The following UCHL1 variants were observed in gnomAD, a reference collection of about 807,000 sequenced individuals.
UCHL1 encodes ubiquitin C-terminal hydrolase L1.
A neutral mutation model predicts 33.3 loss-of-function variants in UCHL1; 5 were observed. The ratio of observed to expected loss-of-function variants is 0.15; its 90% CI spans 0.08 to 0.32. The LOEUF (loss-of-function observed/expected upper bound fraction) is 0.32, where lower values mean the gene tolerates loss of function less well. UCHL1 is among the 10% of genes least tolerant of loss of function. The pLI is 1.00. For synonymous variants in UCHL1, 132 were observed against 108.8 expected (o/e 1.21, Z -1.33); for missense variants, 236 against 280.0 (o/e 0.84, Z 1.12).
chr4:41,262,898 G>A (rs752254417), intron 6 of UCHL1, among the ~76,000 whole-genome samples: 8 of 152,072 alleles, frequency 5.3e-5, no homozygotes, highest in South Asian at 2.1e-4. Context: ...GTGAGCCACC[G>A]TGCCTAGCCA....
chr4:41,264,210 C>T (rs779683416), intron 8 of UCHL1, 49 bp downstream of exon 8: 1 of 1,609,254 alleles, frequency 6.2e-7, no homozygotes, highest in Non-Finnish European at 8.5e-7. Flanking sequence ...AATTCTTTGG[C>T]TAAATTTTCT....
At chr4:41,259,606 C>CTAGAATTGGAATTGGTT (rs1781038654) in intron 3 of UCHL1, among the ~76,000 whole-genome samples, 2 of 152,154 alleles carry the variant, frequency 1.3e-5, no homozygotes, top group Non-Finnish European at 1.5e-5. Flanking sequence ...TGCAAAGCTA[C>CTAGAATTGGAATTGGTT]TAGAATTGGA....
rs1158620074 is a variant in UCHL1, at chr4:41,261,857, T to C, written c.412-19T>C. On this transcript the variant is annotated intron_variant, in intron 5 of 8. Coordinates refer to ENST00000284440, the MANE Select transcript of UCHL1 (RefSeq NM_004181.5). ...TAACTCTAGAGATTTTTGTGCTAAT[T>C]ATTTTCTTTTTTCCGCAGGCCATAC... 1.9e-6 allele frequency: 3 copies of C among 1,614,004 alleles called. No homozygotes were observed. The highest frequency in any genetic ancestry group is 2.7e-5 in the African/African-American group (2 of 74,920).
intron 3 of UCHL1, 139 bp from the exon 4 acceptor site, chr4:41,260,508 G>T: frequency 9.4e-7 from 1 of 1,060,760 alleles, no homozygotes; most frequent in Non-Finnish European, 1.4e-6. Flanking sequence ...CCCTTCTCTG[G>T]GAGTCAGCCA....
chr4:41,257,482 G>A, intron 2 of UCHL1, 127 bp from the exon 3 acceptor site: 1 of 1,259,826 alleles, frequency 7.9e-7, no homozygotes, highest in Non-Finnish European at 1.0e-6. Flanking sequence ...GTGGCAGGGC[G>A]GGACTGGGGC....
chr4:41,259,968 C>T (rs1781044979), intron 3 of UCHL1, among the ~76,000 whole-genome samples: 1 of 152,210 alleles, frequency 6.6e-6, no homozygotes, highest in African/African-American at 2.4e-5. Flanking sequence ...AGTCTCTATC[C>T]TCCTCCTCAA....
intron 6 of UCHL1, among the ~76,000 whole-genome samples, chr4:41,262,513 G>GT (rs778343747): frequency 6.6e-6 from 1 of 152,144 alleles, no homozygotes; most frequent in Non-Finnish European, 1.5e-5. Context: ...TTCACAGGCT[G>GT]TTGGGGAGAA....
At chr4:41,257,413 C>G (rs1314974297) in intron 2 of UCHL1, 196 bp from the exon 3 acceptor site, 2 of 918,566 alleles carry the variant, frequency 2.2e-6, no homozygotes, top group African/African-American at 1.8e-5. Flanking sequence ...GCACGGGCTT[C>G]GCGGGCGCCA....
chr4:41,257,486 C>G lies in UCHL1; in HGVS notation c.46-123C>G, dbSNP rs1330157912. On this transcript the variant is annotated intron_variant, in intron 2 of 8. Transcript: ENST00000284440. ...CCCGGGTGGGGGTGGCAGGGCGGGA[C>G]TGGGGCTCCTCCCAGGCTCGGGTGC... 7 of 1,288,652 alleles carry G rather than the reference C, an allele frequency of 5.4e-6. No individual in the cohort carries two copies. The African/African-American group carries it at 1.1e-4, about 20-fold the overall frequency. The allele number at this position is 1,288,652 out of a possible 1,614,324, so 79.8% of individuals were successfully genotyped here.
intron 6 of UCHL1, among the ~76,000 whole-genome samples, chr4:41,262,808 G>C (rs531497249): frequency 5.5e-4 from 83 of 152,084 alleles, no homozygotes; most frequent in Admixed American, 2.0e-4. Context: ...GTTTCACCAT[G>C]TTGTTCAGGC....
intron 8 of UCHL1, among the ~76,000 whole-genome samples, chr4:41,265,828 G>T (rs1781143729): frequency 6.6e-6 from 1 of 152,156 alleles, no homozygotes; most frequent in Admixed American, 6.5e-5. Flanking sequence ...ATAGTAATAT[G>T]GAATGAAGAA....
At chr4:41,267,928 A>C in intron 8 of UCHL1, 59 bp from the exon 9 acceptor site, 8 of 1,427,868 alleles carry the variant, frequency 5.6e-6, no homozygotes, top group Non-Finnish European at 7.8e-6. Flanking sequence ...GCCTTTCCCT[A>C]TGTGACTTTC....
chr4:41,265,164 G>T (rs531564973), intron 8 of UCHL1, among the ~76,000 whole-genome samples: 13 of 152,096 alleles, frequency 8.5e-5, no homozygotes, highest in African/African-American at 3.1e-4. Context: ...GGTGATCTAC[G>T]TCTTTTATAG....
Position 41,263,987 on chromosome 4 carries a change from T to C in UCHL1, c.527-116T>C, listed in dbSNP as rs533888104. 2.8e-5 allele frequency: 38 copies of C among 1,346,782 alleles called. No homozygotes were observed. In the South Asian group the frequency reaches 4.3e-4, roughly 15 times the overall value. The allele number at this position is 1,346,782 out of a possible 1,614,324, so 83.4% of individuals were successfully genotyped here. A position where few individuals can be genotyped will look rare whatever the true frequency, so the allele number is the denominator to read the frequency against. Reference sequence around the variant, plus strand: ...CCTCTTGCTTCATAACCAGGCTTCCTTCTGTGGGTTTGGCAGTGGTTTTTG... The same window carrying C: ...CCTCTTGCTTCATAACCAGGCTTCCCTCTGTGGGTTTGGCAGTGGTTTTTG... On this transcript the variant is annotated intron_variant, in intron 7 of 8. Coordinates refer to ENST00000284440, the MANE Select transcript of UCHL1 (RefSeq NM_004181.5).
Position 41,256,967 on chromosome 4 carries a change from C to T in UCHL1, c.-10C>T, listed in dbSNP as rs1780983843. 3 of 1,614,196 alleles carry T rather than the reference C, an allele frequency of 1.9e-6. No individual in the cohort carries two copies. The highest frequency in any genetic ancestry group is 2.5e-6 in the Non-Finnish European group (3 of 1,180,024). On this transcript the variant is annotated 5_prime_UTR_variant, in exon 1 of 9. Transcript: ENST00000284440. ...TTCCCTAGGCTATTTCTGCCGGGCGCTCCGCGAAGATGCAGCTCAAGCCGA... is the reference window on the plus strand; with the variant it reads ...TTCCCTAGGCTATTTCTGCCGGGCGTTCCGCGAAGATGCAGCTCAAGCCGA...
intron 3 of UCHL1, among the ~76,000 whole-genome samples, chr4:41,258,079 G>A (rs1227496704): frequency 6.6e-6 from 1 of 152,186 alleles, no homozygotes; most frequent in East Asian, 1.9e-4. Context: ...AATGGCTGCT[G>A]GTTTCCCTTT....
chr4:41,256,999 T>G lies in UCHL1; in HGVS notation c.23T>G (p.Ile8Ser), dbSNP rs1780984927. 1.9e-6 allele frequency: 3 copies of G among 1,614,144 alleles called. No homozygotes were observed. The highest frequency in any genetic ancestry group is 2.7e-5 in the African/African-American group (2 of 75,060). Residue 8 changes from isoleucine to serine, a missense_variant, in exon 1 of 9, where the codon ATC becomes AGC. Ile to Ser is a moderately radical substitution (Grantham distance 142). Coordinates refer to ENST00000284440, the MANE Select transcript of UCHL1 (RefSeq NM_004181.5). Reference protein sequence around the residue: MQLKPMEINPEMLNKVLS... With the variant: MQLKPMESNPEMLNKVLS... ...AAGATGCAGCTCAAGCCGATGGAGATCAACCCCGAGGTGAGCGCCAGGTGC... is the reference window on the plus strand; with the variant it reads ...AAGATGCAGCTCAAGCCGATGGAGAGCAACCCCGAGGTGAGCGCCAGGTGC...
At chr4:41,257,041 C>T in intron 1 of UCHL1, 32 bp downstream of exon 1, 7 of 1,614,098 alleles carry the variant, frequency 4.3e-6, no homozygotes, top group Non-Finnish European at 5.9e-6. Context: ...ACCCGGAGAG[C>T]GCGAGGCCGA....
chr4:41,256,988 G>A lies in UCHL1; in HGVS notation c.12G>A (p.Lys4=). The A allele has an allele frequency of 1.2e-6, 2 of 1,614,222 alleles. No homozygotes were observed. The highest frequency in any genetic ancestry group is 1.7e-6 in the Non-Finnish European group (2 of 1,180,022). Reference sequence around the variant, plus strand: ...GGCGCTCCGCGAAGATGCAGCTCAAGCCGATGGAGATCAACCCCGAGGTGA... The same window carrying A: ...GGCGCTCCGCGAAGATGCAGCTCAAACCGATGGAGATCAACCCCGAGGTGA... The part of the protein sequence containing the change: MQL[K]PMEINPEMLN... The change falls in exon 1 of 9, where the codon AAG becomes AAA. Residue 4 remains lysine (K), a synonymous_variant. Coordinates refer to ENST00000284440, the MANE Select transcript of UCHL1 (RefSeq NM_004181.5).
Sources: gnomAD v4.1 joint callset for allele counts (sites outside exome capture counted in the v4.1 genomes callset) on GRCh38, gnomAD v4.1.1 for gene constraint, MANE v1.5 for transcripts, NCBI Gene and HGNC (gene_info 2026-07-23, HGNC 2026-07-21) for gene names.